TAFA1: variants seen among roughly 807,000 people sequenced by gnomAD.
TAFA1 encodes the protein chemokine-like protein TAFA-1.
TAFA1 carries 4 observed loss-of-function variants against 18.5 expected under a neutral mutation model. That is an observed-to-expected ratio of 0.22 (90% confidence interval 0.11 to 0.49). The LOEUF (loss-of-function observed/expected upper bound fraction) is 0.49. Among genes scored for constraint, TAFA1 ranks in the 20% least tolerant of loss-of-function variants. The pLI is 0.98. For missense variants in TAFA1, 147 were observed against 169.0 expected, an observed-to-expected ratio of 0.87 and a Z score of 0.72; for synonymous variants, 56 against 55.2, an observed-to-expected ratio of 1.01 and a Z score of -0.06.
At chr3:68,475,327 A>T (rs1377948211) in intron 3 of TAFA1, among the ~76,000 whole-genome samples, 2 of 148,212 alleles carry the variant, frequency 1.3e-5, no homozygotes, top group Non-Finnish European at 3.0e-5. Flanking sequence ...ACCCCACAAC[A>T]GTCCCCTGTG....
chr3:68,287,855 C>G lies in TAFA1; in HGVS notation c.119-129425C>G, dbSNP rs2068039118. ...CCTGGATTGAAGAACATTTTTAGAT[C>G]TTTCAACAGGCTTACTTCTCAGGTC... On this transcript the variant is annotated intron_variant, in intron 2 of 4. Transcript: ENST00000478136. Among the ~76,000 whole-genome samples the G allele has an allele frequency of 2.3e-5, 3 of 130,260 alleles. No individual in the cohort carries two copies. The Admixed American group carries it at 3.2e-4, about 14-fold the overall frequency. The allele number at this position is 130,260 out of a possible 152,430, so 85.5% of individuals were successfully genotyped here.
At chr3:68,194,245 A>G (rs987056001) in intron 2 of TAFA1, among the ~76,000 whole-genome samples, 5 of 151,754 alleles carry the variant, frequency 3.3e-5, no homozygotes, top group Non-Finnish European at 7.4e-5. Context: ...TACCAAGCCA[A>G]ATGACAAAGG....
chr3:68,108,082 G>A (rs899778282), intron 2 of TAFA1, among the ~76,000 whole-genome samples: 3 of 152,032 alleles, frequency 2.0e-5, no homozygotes, highest in African/African-American at 7.2e-5. Flanking sequence ...TGACCAGGTT[G>A]TTTAAGGATT....
chr3:68,315,464 C>T (rs2068592159), intron 2 of TAFA1, among the ~76,000 whole-genome samples: 1 of 152,102 alleles, frequency 6.6e-6, no homozygotes, highest in South Asian at 2.1e-4. Context: ...GTGTATTTCC[C>T]CACCTTCACA....
intron 3 of TAFA1, among the ~76,000 whole-genome samples, chr3:68,525,499 T>C (rs2073098462): frequency 6.6e-6 from 1 of 152,190 alleles, no homozygotes; most frequent in Non-Finnish European, 1.5e-5. Context: ...GTCCAGACAA[T>C]TCCACAAAAA....
intron 2 of TAFA1, among the ~76,000 whole-genome samples, chr3:68,334,838 G>A (rs2106738769): frequency 6.6e-6 from 1 of 152,224 alleles, no homozygotes; most frequent in Admixed American, 6.5e-5. Flanking sequence ...ATCTTCTGAG[G>A]GATAGGAAGA....
At chr3:68,467,221 A>G (rs1273223225) in intron 3 of TAFA1, among the ~76,000 whole-genome samples, 6 of 152,190 alleles carry the variant, frequency 3.9e-5, no homozygotes, top group African/African-American at 1.2e-4. Context: ...CAATTTGTGC[A>G]GTTAATGCAG....
At chr3:68,408,542 T>C (rs2070654759) in intron 2 of TAFA1, among the ~76,000 whole-genome samples, 1 of 152,192 alleles carries the variant, frequency 6.6e-6, no homozygotes. Context: ...ATTTATACAT[T>C]CTGTCTTTCT....
intron 2 of TAFA1, among the ~76,000 whole-genome samples, chr3:68,249,957 C>G (rs961034198): frequency 7.9e-5 from 12 of 152,134 alleles, no homozygotes; most frequent in Non-Finnish European, 1.6e-4. Flanking sequence ...TCTAGAATAG[C>G]ACCAAACAAT....
chr3:68,069,531 C>T (rs548774251), intron 2 of TAFA1, among the ~76,000 whole-genome samples: 1 of 152,146 alleles, frequency 6.6e-6, no homozygotes, highest in East Asian at 1.9e-4. Context: ...CCGTATCATT[C>T]CACCCCTCAC....
intron 2 of TAFA1, among the ~76,000 whole-genome samples, chr3:68,235,767 GCTGGACTTAAAA>G (rs2066921113): frequency 6.6e-6 from 1 of 152,112 alleles, no homozygotes; most frequent in Non-Finnish European, 1.5e-5. Context: ...CTGTCTTTTT[GCTGGACTTAAAA>G]CTGGCCGAGT....
intron 3 of TAFA1, among the ~76,000 whole-genome samples, chr3:68,433,732 G>T (rs1445156682): frequency 1.3e-5 from 2 of 152,050 alleles, no homozygotes; most frequent in Non-Finnish European, 2.9e-5. Context: ...TCTGAAAACA[G>T]GAATTACAAG....
chr3:68,440,646 A>G (rs1304085631), intron 3 of TAFA1, among the ~76,000 whole-genome samples: 1 of 152,054 alleles, frequency 6.6e-6, no homozygotes, highest in Admixed American at 6.6e-5. Context: ...AGTGACCCAA[A>G]CCTTCATTCC....
chr3:68,082,326 T>G (rs1275107506), intron 2 of TAFA1, among the ~76,000 whole-genome samples: 2 of 152,220 alleles, frequency 1.3e-5, no homozygotes, highest in African/African-American at 4.8e-5. Context: ...TTCGGCCATC[T>G]TGGCTCCTCC....
intron 2 of TAFA1, among the ~76,000 whole-genome samples, chr3:68,116,812 G>A (rs1182691626): frequency 6.6e-6 from 1 of 152,130 alleles, no homozygotes; most frequent in Non-Finnish European, 1.5e-5. Flanking sequence ...GCCAAATCCA[G>A]CCCACCTGCC....
chr3:68,398,415 TAACTC>T (rs1369527875), intron 2 of TAFA1, among the ~76,000 whole-genome samples: 2 of 152,118 alleles, frequency 1.3e-5, no homozygotes, highest in African/African-American at 4.8e-5. Flanking sequence ...TAACAAAAAT[TAACTC>T]AAGATAGATT....
At chr3:68,259,874 C>G (rs1254579064) in intron 2 of TAFA1, among the ~76,000 whole-genome samples, 5 of 152,046 alleles carry the variant, frequency 3.3e-5, no homozygotes, top group Non-Finnish European at 7.4e-5. Context: ...ACAATCATGT[C>G]ATCTGCAAAC....
chr3:68,474,057 C>T (rs532445334), intron 3 of TAFA1, among the ~76,000 whole-genome samples: 26 of 149,482 alleles, frequency 1.7e-4, no homozygotes, highest in South Asian at 1.3e-3. Context: ...TCACCCCCCC[C>T]CCCAAGTAAA....
intron 3 of TAFA1, among the ~76,000 whole-genome samples, chr3:68,492,004 A>C (rs2072462824): frequency 6.6e-6 from 1 of 152,180 alleles, no homozygotes; most frequent in Non-Finnish European, 1.5e-5. Flanking sequence ...AACATTTAAG[A>C]ATATGCCCTC....
Sources: gnomAD v4.1 joint callset for allele counts (sites outside exome capture counted in the v4.1 genomes callset) on GRCh38, gnomAD v4.1.1 for gene constraint, MANE v1.5 for transcripts, NCBI Gene and HGNC (gene_info 2026-07-23, HGNC 2026-07-21) for gene names.